The following SERPINB5 variants were observed in gnomAD, a reference collection of about 807,000 sequenced individuals.
SERPINB5 encodes serpin family B member 5.
SERPINB5 carries 27 observed loss-of-function variants against 32.2 expected under a neutral mutation model. The observed-to-expected ratio is 0.84, with a 90% confidence interval of 0.62 to 1.16. The LOEUF is 1.16. Ranked by LOEUF, SERPINB5 falls within the 50% of genes most tolerant of loss-of-function variation. SERPINB5 has a pLI of 0.00. For missense variants in SERPINB5, 388 were observed against 436.3 expected (o/e 0.89, Z 0.99); for synonymous variants, 154 against 157.4 (o/e 0.98, Z 0.16).
intron 1 of SERPINB5, among the ~76,000 whole-genome samples, chr18:63,477,575 G>A (rs1254928940): frequency 6.6e-6 from 1 of 152,072 alleles, no homozygotes; most frequent in Non-Finnish European, 1.5e-5. Flanking sequence ...GCATCAGATC[G>A]CTGTTCATCT....
At chr18:63,486,857 C>G (rs1917221660) in intron 2 of SERPINB5, 89 bp from the exon 3 acceptor site, 2 of 1,395,260 alleles carry the variant, frequency 1.4e-6, no homozygotes, top group Admixed American at 3.8e-5. Context: ...TCTGTATGCC[C>G]AAGGACGTTG....
At position 63,498,921 on chromosome 18, in the gene SERPINB5, A is replaced by C. The variant is rs1909509227; in HGVS notation, c.568-199A>C. On this transcript the variant is annotated intron_variant, in intron 5 of 6. Transcript: ENST00000382771. This position sits in a 1 kb window ranked among gnomAD's most constrained non-coding sequence, Gnocchi z 4.2. ...TATGTATGTATGCATATATATGTAT[A>C]TGTGTATATATAGGTGTATGTATAT... 6.6e-6 allele frequency among the ~76,000 whole-genome samples: 1 copy of C among 150,750 alleles called. No individual in the cohort carries two copies. The highest frequency in any genetic ancestry group is 1.5e-5 in the Non-Finnish European group (1 of 67,778).
intron 6 of SERPINB5, among the ~76,000 whole-genome samples, chr18:63,500,894 C>T (rs9944919): frequency 0.4 from 60,742 of 149,982 alleles, 13,052 homozygotes; most frequent in Non-Finnish European, 0.49. Flanking sequence ...TGGTGCATTA[C>T]TCTCTCTGTT....
chr18:63,484,739 ATCT>A (rs1917178520), intron 2 of SERPINB5, 143 bp downstream of exon 2: 4 of 144,826 alleles, frequency 2.8e-5, no homozygotes, highest in Admixed American at 1.2e-4. Flanking sequence ...GACTCTCTTA[ATCT>A]TTTTTTTTTT....
At chr18:63,496,915 G>A (rs17071215) in intron 5 of SERPINB5, 12,877 of 355,760 alleles carry the variant, frequency 0.036, 1,176 homozygotes, top group African/African-American at 0.21. Context: ...AGACCTGAAC[G>A]ATCAGACCCT....
chr18:63,491,690 G>A (rs1909342019), intron 4 of SERPINB5, among the ~76,000 whole-genome samples: 1 of 151,828 alleles, frequency 6.6e-6, no homozygotes, highest in African/African-American at 2.4e-5. Context: ...GGCCAGGCTG[G>A]TCTCAAACTC....
intron 1 of SERPINB5, among the ~76,000 whole-genome samples, chr18:63,478,910 C>T (rs930170222): frequency 2.6e-5 from 4 of 152,090 alleles, no homozygotes; most frequent in Non-Finnish European, 2.9e-5. Flanking sequence ...CAGGCACGTG[C>T]CACCACGCCC....
At chr18:63,477,678 A>G (rs8091868) in intron 1 of SERPINB5, among the ~76,000 whole-genome samples, 106,653 of 152,142 alleles carry the variant, frequency 0.7, 37,942 homozygotes, top group African/African-American at 0.82. Context: ...TTTCAGATGC[A>G]TATTCTTGGA....
intron 1 of SERPINB5, among the ~76,000 whole-genome samples, chr18:63,483,058 CT>C: frequency 6.6e-6 from 1 of 152,204 alleles, no homozygotes; most frequent in African/African-American, 2.4e-5. Context: ...CCTCATGGAC[CT>C]CCTGAAAGGG....
At chr18:63,501,350 G>T (rs1411069262) in intron 6 of SERPINB5, among the ~76,000 whole-genome samples, 1 of 151,930 alleles carries the variant, frequency 6.6e-6, no homozygotes. Flanking sequence ...AGCTTCATCC[G>T]TGTCCCTACA....
chr18:63,480,446 A>C (rs755830700), intron 1 of SERPINB5, among the ~76,000 whole-genome samples: 3 of 152,250 alleles, frequency 2.0e-5, no homozygotes, highest in Non-Finnish European at 4.4e-5. Flanking sequence ...CAGAATGAAA[A>C]AAAATTTGTA....
intron 2 of SERPINB5, chr18:63,485,724 T>G (rs975901494): frequency 6.6e-6 from 1 of 152,414 alleles, no homozygotes; most frequent in Admixed American, 6.5e-5. Context: ...TGCAACTGGT[T>G]CCCCAGCAGT....
At position 63,497,210 on chromosome 18, in the gene SERPINB5, C is replaced by T. The variant is rs796678215; in HGVS notation, c.568-1910C>T. The T allele has an allele frequency of 7.9e-5, 56 of 709,338 alleles. No individual in the cohort carries two copies. In the African/African-American group the frequency reaches 8.7e-4, roughly 11 times the overall value. The allele number at this position is 709,338 out of a possible 1,614,324, so 43.9% of individuals were successfully genotyped here. A position where few individuals can be genotyped will look rare whatever the true frequency, so the allele number is the denominator to read the frequency against. ...GCAGCCAAGTTTATTGGTGCTGAGG[C>T]AGACACAGTTGGTGTGGTTGGTTCA... On this transcript the variant is annotated intron_variant, in intron 5 of 6. Coordinates refer to ENST00000382771, the MANE Select transcript of SERPINB5 (RefSeq NM_002639.5).
At chr18:63,490,200 A>G (rs8094225) in intron 4 of SERPINB5, among the ~76,000 whole-genome samples, 33,268 of 151,760 alleles carry the variant, frequency 0.22, 7,220 homozygotes, top group African/African-American at 0.56. Flanking sequence ...TTAAAAAAAG[A>G]AAACCAAACC....
At chr18:63,482,475 C>T (rs188918978) in intron 1 of SERPINB5, among the ~76,000 whole-genome samples, 2 of 152,264 alleles carry the variant, frequency 1.3e-5, no homozygotes, top group South Asian at 2.1e-4. Context: ...CTGCTCACCC[C>T]GGGGTAGTAA....
Position 63,484,414 on chromosome 18 carries a change from G to T in SERPINB5, c.-7-8G>T, listed in dbSNP as rs1917172303. 7 of 1,606,180 alleles carry T rather than the reference G, an allele frequency of 4.4e-6. No homozygotes were observed. The highest frequency in any genetic ancestry group is 5.1e-6 in the Non-Finnish European group (6 of 1,176,896). Reference sequence around the variant, plus strand: ...AGAAACTAACTGCTCCCTTGTCCTTGCTTCCAGGCCCGCAATGGATGCCCT... The same window carrying T: ...AGAAACTAACTGCTCCCTTGTCCTTTCTTCCAGGCCCGCAATGGATGCCCT... On this transcript the variant is annotated splice_polypyrimidine_tract_variant and splice_region_variant and intron_variant, in intron 1 of 6. Transcript: ENST00000382771.
intron 5 of SERPINB5, among the ~76,000 whole-genome samples, chr18:63,494,591 G>A (rs1909410474): frequency 6.6e-6 from 1 of 152,124 alleles, no homozygotes; most frequent in African/African-American, 2.4e-5. Flanking sequence ...AGAGTACTTA[G>A]CATCAATATC....
chr18:63,500,426 A>G (rs1286458552), intron 6 of SERPINB5, among the ~76,000 whole-genome samples: 2 of 152,178 alleles, frequency 1.3e-5, no homozygotes, highest in African/African-American at 4.8e-5. Context: ...ATACGTACAC[A>G]TATATGCTTC....
intron 2 of SERPINB5, among the ~76,000 whole-genome samples, chr18:63,485,374 T>C (rs2000713): frequency 0.73 from 111,189 of 152,114 alleles, 41,508 homozygotes; most frequent in African/African-American, 0.89. Flanking sequence ...ATTACTCTTA[T>C]GCTAATCATT....
Sources: allele counts gnomAD v4.1 joint callset (sites outside exome capture counted in the v4.1 genomes callset), GRCh38; gene constraint gnomAD v4.1.1; non-coding constraint Gnocchi (gnomAD v3.1); transcripts MANE v1.5; gene names NCBI Gene and HGNC (gene_info 2026-07-23, HGNC 2026-07-21).